Variants in A1CF observed in about 807,000 individuals in gnomAD.
A1CF encodes APOBEC1 complementation factor.
In A1CF, 48 loss-of-function variants were observed where a neutral mutation model predicts 68.9. The observed-to-expected ratio is 0.70, with a 90% CI of 0.55 to 0.89. The LOEUF (loss-of-function observed/expected upper bound fraction) is 0.89, where lower values mean the gene tolerates loss of function less well. A1CF is among the 40% of genes least tolerant of loss of function. The pLI is 0.00. For synonymous variants in A1CF, 272 were observed against 260.4 expected (o/e 1.04, Z -0.43); for missense variants, 653 against 718.9 (o/e 0.91, Z 1.05).
intron 3 of A1CF, among the ~76,000 whole-genome samples, chr10:50,848,351 G>A (rs1309332974): frequency 1.3e-5 from 2 of 152,140 alleles, no homozygotes; most frequent in Non-Finnish European, 2.9e-5. Context: ...TAGAATAAAG[G>A]TCCTATCATT....
At chr10:50,830,761 T>C (rs1336016680) in intron 6 of A1CF, among the ~76,000 whole-genome samples, 1 of 152,052 alleles carries the variant, frequency 6.6e-6, no homozygotes, top group East Asian at 1.9e-4. Flanking sequence ...AAATAGAAAA[T>C]ACAATTCTAA....
intron 6 of A1CF, among the ~76,000 whole-genome samples, chr10:50,829,204 C>A (rs950497186): frequency 6.6e-6 from 1 of 152,036 alleles, no homozygotes; most frequent in Non-Finnish European, 1.5e-5. Flanking sequence ...TACTTAACCA[C>A]CTCCCCCTTT....
chr10:50,850,896 G>A lies in A1CF; in HGVS notation c.100-6774C>T, dbSNP rs372975803. ...TAAAGAATGTGTAATTTATTCAATA[G>A]GCCCATCTAACTTTTTTGTTTACTT... On this transcript the variant is annotated intron_variant, in intron 3 of 12. Transcript: ENST00000373997. 105 of 1,415,942 alleles carry A rather than the reference G, an allele frequency of 7.4e-5. No individual in the cohort carries two copies. In the African/African-American group the frequency reaches 1.3e-3, roughly 18 times the overall value. The allele number at this position is 1,415,942 out of a possible 1,614,324, so 87.7% of individuals were successfully genotyped here. A position where few individuals can be genotyped will look rare whatever the true frequency, so the allele number is the denominator to read the frequency against.
At chr10:50,876,513 G>A (rs1217720791) in intron 1 of A1CF, among the ~76,000 whole-genome samples, 1 of 152,180 alleles carries the variant, frequency 6.6e-6, no homozygotes, top group African/African-American at 2.4e-5. Context: ...CCAATCAATT[G>A]AAAACCTGAA....
chr10:50,812,164 T>C (rs4460764), intron 10 of A1CF, among the ~76,000 whole-genome samples: 32,054 of 152,234 alleles, frequency 0.21, 4,141 homozygotes, highest in East Asian at 0.46. Flanking sequence ...TCTACAGTTC[T>C]TGGGCAATAA....
rs558834175 is a variant in A1CF, at chr10:50,799,666, A to G, written c.*7063T>C. 1 of 152,160 alleles carries G rather than the reference A, an allele frequency of 6.6e-6. No individual in the cohort carries two copies. The highest frequency in any genetic ancestry group is 1.5e-5 in the Non-Finnish European group (1 of 68,000). The allele number at this position is 152,160 out of a possible 1,614,324, so 9.4% of individuals were successfully genotyped here. A position where few individuals can be genotyped will look rare whatever the true frequency, so the allele number is the denominator to read the frequency against. ...GTACAAAAATAAGTGCTTTATGCAC[A>G]CTTTTTAATACTGTCTTTGTCTCTT... is the stretch of plus-strand genomic sequence containing the variant. On this transcript the variant is annotated 3_prime_UTR_variant, in exon 13 of 13. Transcript: ENST00000373997.
intron 11 of A1CF, among the ~76,000 whole-genome samples, chr10:50,810,735 C>G (rs1003390416): frequency 6.6e-6 from 1 of 152,182 alleles, no homozygotes; most frequent in Non-Finnish European, 1.5e-5. Flanking sequence ...TGGTCTCAAA[C>G]TCCCGACCTC....
At chr10:50,852,319 G>C (rs1840283881) in intron 3 of A1CF, among the ~76,000 whole-genome samples, 1 of 152,094 alleles carries the variant, frequency 6.6e-6, no homozygotes, top group Non-Finnish European at 1.5e-5. Context: ...GTGTTCCTTG[G>C]GATAATGAAG....
At chr10:50,810,423 T>C (rs1386462352) in intron 11 of A1CF, among the ~76,000 whole-genome samples, 1 of 152,214 alleles carries the variant, frequency 6.6e-6, no homozygotes, top group African/African-American at 2.4e-5. Flanking sequence ...TGTCTTATTA[T>C]GTATAAAATG....
intron 3 of A1CF, chr10:50,850,650 A>G (rs374561493): frequency 8.5e-5 from 137 of 1,613,798 alleles, no homozygotes; most frequent in Non-Finnish European, 1.1e-4. Flanking sequence ...CTCACTTCTA[A>G]GACCCTCTGC....
At chr10:50,808,364 C>T (rs1018375512) in intron 12 of A1CF, among the ~76,000 whole-genome samples, 2 of 152,190 alleles carry the variant, frequency 1.3e-5, no homozygotes, top group Admixed American at 6.5e-5. Flanking sequence ...TAAGATAAAA[C>T]ATTCTTGGGT....
At chr10:50,861,431 G>A (rs1243064094) in intron 2 of A1CF, among the ~76,000 whole-genome samples, 1 of 148,500 alleles carries the variant, frequency 6.7e-6, no homozygotes, top group Non-Finnish European at 1.5e-5. Context: ...TAACAATATA[G>A]TAATAGGTAT....
At chr10:50,809,759 T>A in intron 12 of A1CF, 135 bp downstream of exon 12, 1 of 1,345,036 alleles carries the variant, frequency 7.4e-7, no homozygotes, top group East Asian at 2.3e-5. Context: ...TGGGAAACTC[T>A]TTTTGGTCCC....
At chr10:50,851,361 GA>G (rs933997140) in intron 3 of A1CF, among the ~76,000 whole-genome samples, 4 of 152,156 alleles carry the variant, frequency 2.6e-5, no homozygotes, top group African/African-American at 9.7e-5. Context: ...TAGTCAATTG[GA>G]GCCTTAAGAG....
intron 6 of A1CF, among the ~76,000 whole-genome samples, chr10:50,833,697 T>C (rs1278648378): frequency 2.6e-5 from 4 of 152,200 alleles, no homozygotes; most frequent in Non-Finnish European, 5.9e-5. Context: ...ATTCCTTTGT[T>C]GTGGGTGAGT....
intron 2 of A1CF, 119 bp from the exon 3 acceptor site, chr10:50,860,104 A>G (rs1840674927): frequency 1.7e-6 from 1 of 603,566 alleles, no homozygotes; most frequent in South Asian, 2.0e-5. Flanking sequence ...AGTTAGAGCA[A>G]CTAAGAGTTA....
rs886927919 is a variant in A1CF, at chr10:50,804,118, A to G, written c.*2611T>C. 1 of 152,176 alleles carries G rather than the reference A, an allele frequency of 6.6e-6. No homozygotes were observed. Among genetic ancestry groups the G allele is most frequent in the Admixed American group, 6.5e-5 (1 of 15,282 alleles). The allele number at this position is 152,176 out of a possible 1,614,324, so 9.4% of individuals were successfully genotyped here. A position where few individuals can be genotyped will look rare whatever the true frequency, so the allele number is the denominator to read the frequency against. On this transcript the variant is annotated 3_prime_UTR_variant, in exon 13 of 13. Coordinates refer to ENST00000373997, the MANE Select transcript of A1CF (RefSeq NM_014576.4). Reference sequence around the variant, plus strand: ...CAAAGTATTCCCTAGATATTACTAAAACAAAGTAAAATTTTAGCAAAAAAA... The same window carrying G: ...CAAAGTATTCCCTAGATATTACTAAGACAAAGTAAAATTTTAGCAAAAAAA...
intron 1 of A1CF, among the ~76,000 whole-genome samples, chr10:50,878,317 A>G (rs1292948954): frequency 6.6e-6 from 1 of 152,214 alleles, no homozygotes; most frequent in East Asian, 1.9e-4. Flanking sequence ...TTTGTAATCA[A>G]CACAGAAATA....
At chr10:50,843,120 A>G (rs1020759325) in intron 4 of A1CF, among the ~76,000 whole-genome samples, 2 of 152,148 alleles carry the variant, frequency 1.3e-5, no homozygotes, top group South Asian at 2.1e-4. Flanking sequence ...GCTCAGCCTT[A>G]CCCTAGCCCA....
Sources: allele counts gnomAD v4.1 joint callset (sites outside exome capture counted in the v4.1 genomes callset), GRCh38; gene constraint gnomAD v4.1.1; transcripts MANE v1.5; gene names NCBI Gene and HGNC (gene_info 2026-07-23, HGNC 2026-07-21).